PARD3: variants seen among roughly 807,000 people sequenced by gnomAD.
PARD3 encodes the protein partitioning defective 3 homolog.
Under a neutral mutation model 155.4 loss-of-function variants are expected in PARD3, and 75 were observed. That is an observed-to-expected ratio of 0.48 (90% CI 0.40 to 0.58). The LOEUF (loss-of-function observed/expected upper bound fraction) is 0.58. PARD3 is among the 20% of genes least tolerant of loss of function. The pLI, the probability that PARD3 is intolerant of heterozygous loss-of-function variation, is 0.00. For synonymous variants in PARD3, 576 were observed against 610.5 expected, an observed-to-expected ratio of 0.94 and a Z score of 0.83; for missense variants, 1,642 against 1,721.7, an observed-to-expected ratio of 0.95 and a Z score of 0.82.
chr10:34,589,636 CAAAAAA>C (rs35357373), intron 2 of PARD3, among the ~76,000 whole-genome samples: 3 of 84,300 alleles, frequency 3.6e-5, no homozygotes, highest in Non-Finnish European at 4.5e-5. Context: ...AGTACATGTC[CAAAAAA>C]AAAAAAAAAA....
chr10:34,386,888 A>G (rs1451958578), intron 7 of PARD3, among the ~76,000 whole-genome samples: 2 of 152,184 alleles, frequency 1.3e-5, no homozygotes, highest in Non-Finnish European at 2.9e-5. Context: ...AATACAAGAA[A>G]TTAAATTAAA....
At chr10:34,799,178 A>G (rs2134314534) in intron 1 of PARD3, among the ~76,000 whole-genome samples, 1 of 152,230 alleles carries the variant, frequency 6.6e-6, no homozygotes, top group South Asian at 2.1e-4. Context: ...AGTAGCTGGG[A>G]CTACAGGTGC....
intron 18 of PARD3, among the ~76,000 whole-genome samples, chr10:34,333,167 G>A (rs964324695): frequency 6.6e-6 from 1 of 152,056 alleles, no homozygotes; most frequent in East Asian, 1.9e-4. Flanking sequence ...TTGTATGTGA[G>A]TATATATCAT....
chr10:34,216,150 T>C (rs17553102), intron 22 of PARD3, among the ~76,000 whole-genome samples: 4,196 of 152,286 alleles, frequency 0.028, 89 homozygotes, highest in Non-Finnish European at 0.041. Context: ...TGGTCTAAGA[T>C]GGCGCCACAA....
At chr10:34,480,262 G>A (rs368686150) in intron 3 of PARD3, among the ~76,000 whole-genome samples, 1 of 152,168 alleles carries the variant, frequency 6.6e-6, no homozygotes, top group African/African-American at 2.4e-5. Context: ...TTAGAGACAA[G>A]GTCTTGCTCT....
intron 10 of PARD3, among the ~76,000 whole-genome samples, chr10:34,376,185 T>C (rs928411719): frequency 1.3e-5 from 2 of 152,172 alleles, no homozygotes; most frequent in South Asian, 2.1e-4. Context: ...TACTAGAAGG[T>C]TGGGCTTAAA....
intron 21 of PARD3, among the ~76,000 whole-genome samples, chr10:34,278,457 C>T (rs897921382): frequency 6.6e-6 from 1 of 152,002 alleles, no homozygotes; most frequent in African/African-American, 2.4e-5. Context: ...GTGTTCCCAC[C>T]CAAATCTCAT....
rs1313260150 is a variant in PARD3, at chr10:34,640,195, C to T, written c.222+56123G>A. 5.3e-5 allele frequency among the ~76,000 whole-genome samples: 8 copies of T among 152,312 alleles called. No individual in the cohort carries two copies. In the East Asian group the frequency reaches 1.3e-3, roughly 26 times the overall value. ...CACAGCAACTGCACAGCACACCTGC[C>T]CCATCCCTGGGCCTGGAGGCTGCAG... On this transcript the variant is annotated intron_variant, in intron 2 of 24. Coordinates refer to ENST00000374788, the MANE Select transcript of PARD3 (RefSeq NM_001184785.2).
At chr10:34,558,373 C>T (rs1406422146) in intron 2 of PARD3, among the ~76,000 whole-genome samples, 1 of 152,184 alleles carries the variant, frequency 6.6e-6, no homozygotes, top group Non-Finnish European at 1.5e-5. Context: ...GAATCATAAA[C>T]TATCATATTG....
intron 2 of PARD3, among the ~76,000 whole-genome samples, chr10:34,601,313 G>A (rs952974029): frequency 4.0e-5 from 6 of 151,430 alleles, no homozygotes; most frequent in Non-Finnish European, 7.4e-5. Flanking sequence ...TATAGTGGCA[G>A]GGGCCTGTGG....
intron 11 of PARD3, among the ~76,000 whole-genome samples, chr10:34,373,924 G>A (rs2134657965): frequency 6.6e-6 from 1 of 151,842 alleles, no homozygotes; most frequent in Non-Finnish European, 1.5e-5. Context: ...AGAGAATTTG[G>A]GCTATATGAT....
chr10:34,708,025 A>G (rs1359060459), intron 1 of PARD3, among the ~76,000 whole-genome samples: 1 of 152,196 alleles, frequency 6.6e-6, no homozygotes, highest in Non-Finnish European at 1.5e-5. Flanking sequence ...CAAATAGATA[A>G]AGCTTATATT....
At chr10:34,660,726 T>C (rs1056232098) in intron 2 of PARD3, among the ~76,000 whole-genome samples, 3 of 152,184 alleles carry the variant, frequency 2.0e-5, no homozygotes, top group African/African-American at 7.2e-5. Context: ...GGCATCCTTT[T>C]GGCTGAAGTT....
At chr10:34,413,042 A>G (rs1298316079) in intron 5 of PARD3, among the ~76,000 whole-genome samples, 1 of 152,054 alleles carries the variant, frequency 6.6e-6, no homozygotes, top group East Asian at 1.9e-4. Flanking sequence ...GATCAAGATG[A>G]CTGCTTATTT....
chr10:34,755,445 G>A (rs571758825), intron 1 of PARD3, among the ~76,000 whole-genome samples: 9 of 152,086 alleles, frequency 5.9e-5, no homozygotes, highest in South Asian at 2.1e-4. Flanking sequence ...TTGCTGGGCC[G>A]ATCACAAGAG....
At position 34,565,711 on chromosome 10, in the gene PARD3, A is replaced by G. The variant is rs184795803; in HGVS notation, c.223-48552T>C. Among the ~76,000 whole-genome samples, 6 of 152,160 alleles carry G rather than the reference A, an allele frequency of 3.9e-5. No individual in the cohort carries two copies. In the East Asian group the frequency reaches 1.2e-3, roughly 29 times the overall value. On this transcript the variant is annotated intron_variant, in intron 2 of 24. Coordinates refer to ENST00000374788, the MANE Select transcript of PARD3 (RefSeq NM_001184785.2). ...TGATAAGCTGTTTTATCTTTATGGC[A>G]TTCACTTTTCAGATGTGGAAAGACA...
chr10:34,383,902 G>A (rs1842096928), intron 8 of PARD3, among the ~76,000 whole-genome samples: 1 of 152,148 alleles, frequency 6.6e-6, no homozygotes, highest in Admixed American at 6.5e-5. Context: ...AAGTTGAAAT[G>A]GGGGCCATAA....
intron 7 of PARD3, among the ~76,000 whole-genome samples, chr10:34,393,115 G>T (rs1181258767): frequency 6.8e-6 from 1 of 146,682 alleles, no homozygotes; most frequent in African/African-American, 2.5e-5. Flanking sequence ...AGATATCAAA[G>T]GCACCAAAAA....
intron 5 of PARD3, among the ~76,000 whole-genome samples, chr10:34,428,678 A>G (rs1033610578): frequency 2.6e-5 from 4 of 152,306 alleles, no homozygotes; most frequent in Non-Finnish European, 5.9e-5. Flanking sequence ...GAGCCCTGCC[A>G]ATGGGACAAA....
Sources: gnomAD v4.1 joint callset for allele counts (sites outside exome capture counted in the v4.1 genomes callset) on GRCh38, gnomAD v4.1.1 for gene constraint, MANE v1.5 for transcripts, NCBI Gene and HGNC (gene_info 2026-07-23, HGNC 2026-07-21) for gene names.